The following PKN2 variants were observed in gnomAD, a reference collection of about 807,000 sequenced individuals.
PKN2 encodes serine/threonine-protein kinase N2.
Under a neutral mutation model 119.1 loss-of-function variants are expected in PKN2, and 38 were observed. The ratio of observed to expected loss-of-function variants is 0.32; its 90% CI spans 0.25 to 0.42. PKN2 has a LOEUF of 0.42. Among genes scored for constraint, PKN2 ranks in the 10% least tolerant of loss-of-function variants. The probability of loss-of-function intolerance (pLI) is 1.00; values close to 1 mark genes in which losing one functional copy is unlikely to be tolerated. For missense variants in PKN2, 850 were observed against 1,165.1 expected, an observed-to-expected ratio of 0.73 and a Z score of 3.94; for synonymous variants, 390 against 384.9, an observed-to-expected ratio of 1.01 and a Z score of -0.15.
At chr1:88,801,925 T>A (rs1302670387) in intron 8 of PKN2, among the ~76,000 whole-genome samples, 1 of 152,198 alleles carries the variant, frequency 6.6e-6, no homozygotes, top group Non-Finnish European at 1.5e-5. Context: ...GATTTGCTAA[T>A]AACCTAAAAC....
chr1:88,794,421 C>T (rs190906580), intron 8 of PKN2, among the ~76,000 whole-genome samples: 1 of 151,504 alleles, frequency 6.6e-6, no homozygotes, highest in Admixed American at 6.6e-5. Context: ...CTCTTGTTGT[C>T]CTGAATGATA....
rs773807897 is a variant in PKN2 at position 88,804,545 on chromosome 1, T to C, written c.1425+11T>C. The C allele has an allele frequency of 6.3e-7, 1 of 1,599,732 alleles. No homozygotes were observed. Among genetic ancestry groups the C allele is most frequent in the South Asian group, 1.1e-5 (1 of 90,396 alleles). ...ACTTTATTTGCAGAGGTAATAAATG[T>C]ATTTTATTAAATGTGCATAACTACA... On this transcript the variant is annotated intron_variant, in intron 9 of 21. Coordinates refer to ENST00000370521, the MANE Select transcript of PKN2 (RefSeq NM_006256.4).
intron 21 of PKN2, 31 bp from the exon 22 acceptor site, chr1:88,833,213 CT>C (rs2100940685): frequency 1.3e-6 from 2 of 1,578,446 alleles, no homozygotes; most frequent in South Asian, 1.2e-5. Flanking sequence ...ATTTAACAAA[CT>C]AAACTAGTCA....
intron 1 of PKN2, among the ~76,000 whole-genome samples, chr1:88,713,695 T>C (rs999080111): frequency 6.6e-6 from 1 of 152,226 alleles, no homozygotes; most frequent in African/African-American, 2.4e-5. Flanking sequence ...GTCGGATGAA[T>C]AGATTGCAAA....
At chr1:88,822,062 T>C (rs534040144) in intron 17 of PKN2, 59 bp downstream of exon 17, 20 of 1,348,032 alleles carry the variant, frequency 1.5e-5, no homozygotes, top group African/African-American at 3.0e-5. Flanking sequence ...GAATTAAAGA[T>C]AGTATTTTGT....
At chr1:88,721,114 T>A (rs969363907) in intron 1 of PKN2, among the ~76,000 whole-genome samples, 2 of 151,192 alleles carry the variant, frequency 1.3e-5, no homozygotes, top group African/African-American at 4.9e-5. Context: ...ATATAATGAC[T>A]TTTTTTTTCG....
At chr1:88,696,645 C>T (rs1666553728) in intron 1 of PKN2, among the ~76,000 whole-genome samples, 1 of 152,124 alleles carries the variant, frequency 6.6e-6, no homozygotes, top group Non-Finnish European at 1.5e-5. Flanking sequence ...TGTCCCTGAT[C>T]CAGCTAACTA....
At chr1:88,705,573 T>C (rs1170354339) in intron 1 of PKN2, among the ~76,000 whole-genome samples, 5 of 151,680 alleles carry the variant, frequency 3.3e-5, no homozygotes, top group Non-Finnish European at 7.4e-5. Context: ...GTGGCAGGCA[T>C]TGTAGTCCCA....
intron 1 of PKN2, among the ~76,000 whole-genome samples, chr1:88,695,997 C>T (rs1003860634): frequency 6.6e-6 from 1 of 152,106 alleles, no homozygotes; most frequent in Admixed American, 6.6e-5. Context: ...TTAAAGGTAT[C>T]ATGACATTCT....
At position 88,820,221 on chromosome 1, in the gene PKN2, TATATATATATATAAATAGAA is replaced by T. The variant is rs1282726716; in HGVS notation, c.2280-1718_2280-1699del. 3.8e-4 allele frequency among the ~76,000 whole-genome samples: 20 copies of T among 53,180 alleles called. 2 individuals carry two copies. Among genetic ancestry groups the T allele is most frequent in the Middle Eastern group, 0.012 (1 of 82 alleles). The allele number at this position is 53,180 out of a possible 152,430, so 34.9% of individuals were successfully genotyped here. A position where few individuals can be genotyped will look rare whatever the true frequency, so the allele number is the denominator to read the frequency against. On this transcript the variant is annotated intron_variant, in intron 16 of 21. Coordinates refer to ENST00000370521, the MANE Select transcript of PKN2 (RefSeq NM_006256.4). ...ATATATATATATATATATATATATA[TATATATATATATAAATAGAA>T]AAAAATAAAAATGCGAGGCACCATG...
chr1:88,723,954 A>G (rs1667796128), intron 1 of PKN2, among the ~76,000 whole-genome samples: 1 of 152,096 alleles, frequency 6.6e-6, no homozygotes, highest in African/African-American at 2.4e-5. Context: ...TTTCAATTTT[A>G]GAGATAAGGA....
chr1:88,774,692 G>C (rs1167645762), intron 6 of PKN2, among the ~76,000 whole-genome samples: 1 of 151,034 alleles, frequency 6.6e-6, no homozygotes, highest in Non-Finnish European at 1.5e-5. Flanking sequence ...GGTTTTGATT[G>C]AATTTTTCTA....
At chr1:88,754,945 T>C (rs1256618085) in intron 2 of PKN2, among the ~76,000 whole-genome samples, 8 of 152,198 alleles carry the variant, frequency 5.3e-5, no homozygotes, top group Admixed American at 2.6e-4. Flanking sequence ...TAATTTCTTA[T>C]AATACCCCCG....
intron 1 of PKN2, among the ~76,000 whole-genome samples, chr1:88,727,651 C>G (rs1485328657): frequency 6.6e-6 from 1 of 152,120 alleles, no homozygotes; most frequent in African/African-American, 2.4e-5. Context: ...TTTTAGAATT[C>G]CATTTTGATT....
chr1:88,782,162 T>G (rs1240620187), intron 6 of PKN2, among the ~76,000 whole-genome samples: 1 of 152,154 alleles, frequency 6.6e-6, no homozygotes, highest in East Asian at 1.9e-4. Flanking sequence ...TTTCATTGTT[T>G]TGCATGAGAG....
intron 15 of PKN2, among the ~76,000 whole-genome samples, chr1:88,810,368 C>T (rs1255044422): frequency 2.0e-5 from 3 of 151,274 alleles, no homozygotes; most frequent in Non-Finnish European, 4.4e-5. Context: ...GTGATCTGCC[C>T]GCCTCAGCCT....
Position 88,828,536 on chromosome 1 carries a change from C to T in PKN2, c.2475C>T (p.Ala825=). 6.2e-7 allele frequency: 1 copy of T among 1,612,102 alleles called. No homozygotes were observed. ...TTTGTGGCACTCCTGAATTTCTTGC[C>T]CCAGAAGTATTAACAGAAACTTCTT... ...STFCGTPEFL[A]PEVLTETSYT... is the part of the protein sequence containing the mutation. Residue 825 remains alanine (A), a synonymous_variant, in exon 19 of 22, where the codon GCC becomes GCT. Transcript: ENST00000370521.
At chr1:88,744,083 TAAC>T (rs1441319016) in intron 2 of PKN2, among the ~76,000 whole-genome samples, 11 of 150,218 alleles carry the variant, frequency 7.3e-5, no homozygotes, top group Non-Finnish European at 1.2e-4. Context: ...TTTACTAACT[TAAC>T]AATCTAAAAG....
At chr1:88,737,119 A>G (rs970482160) in intron 1 of PKN2, among the ~76,000 whole-genome samples, 1 of 151,956 alleles carries the variant, frequency 6.6e-6, no homozygotes, top group African/African-American at 2.4e-5. Flanking sequence ...CAGGACGGCC[A>G]CCGTAATGCT....
Sources: gnomAD v4.1 joint callset for allele counts (sites outside exome capture counted in the v4.1 genomes callset) on GRCh38, gnomAD v4.1.1 for gene constraint, MANE v1.5 for transcripts, NCBI Gene and HGNC (gene_info 2026-07-23, HGNC 2026-07-21) for gene names.